The following MBD5 variants were observed in gnomAD, a reference collection of about 807,000 sequenced individuals.
MBD5 encodes methyl-CpG-binding domain protein 5.
Under a neutral mutation model 117.3 loss-of-function variants are expected in MBD5, and 13 were observed. The observed-to-expected ratio is 0.11, with a 90% CI of 0.07 to 0.18. The LOEUF (loss-of-function observed/expected upper bound fraction) is 0.18, where lower values mean the gene tolerates loss of function less well. Among genes scored for constraint, MBD5 ranks in the 10% least tolerant of loss-of-function variants. MBD5 has a pLI of 1.00. For synonymous variants in MBD5, 727 were observed against 766.4 expected, an observed-to-expected ratio of 0.95 and a Z score of 0.85; for missense variants, 1,879 against 2,093.8, an observed-to-expected ratio of 0.90 and a Z score of 2.00.
intron 1 of MBD5, chr2:148,056,047 C>G (rs1247082958): frequency 6.6e-6 from 1 of 152,098 alleles, no homozygotes; most frequent in African/African-American, 2.4e-5. Flanking sequence ...GAATACCTCT[C>G]CTTATATTTT....
chr2:148,415,506 G>A (rs553087870), intron 4 of MBD5, among the ~76,000 whole-genome samples: 4 of 152,226 alleles, frequency 2.6e-5, no homozygotes, highest in South Asian at 4.1e-4. Flanking sequence ...TTGAATGTTG[G>A]CCTCTCTAGC....
intron 1 of MBD5, among the ~76,000 whole-genome samples, chr2:148,056,347 C>T (rs1694863648): frequency 6.6e-6 from 1 of 151,896 alleles, no homozygotes. Context: ...TCTTCTTTTG[C>T]TTTTTGTGGG....
At chr2:148,249,176 A>G (rs1457328070) in intron 3 of MBD5, among the ~76,000 whole-genome samples, 1 of 152,200 alleles carries the variant, frequency 6.6e-6, no homozygotes, top group African/African-American at 2.4e-5. Flanking sequence ...AAGAATGAAA[A>G]GACAAGTTGC....
chr2:148,427,993 A>G (rs1705859689), intron 4 of MBD5, among the ~76,000 whole-genome samples: 1 of 152,170 alleles, frequency 6.6e-6, no homozygotes, highest in South Asian at 2.1e-4. Context: ...AGTGTTGGCC[A>G]AGGCAATTAG....
chr2:148,186,898 A>G (rs1009522362), intron 2 of MBD5, among the ~76,000 whole-genome samples: 3 of 152,382 alleles, frequency 2.0e-5, no homozygotes, highest in African/African-American at 7.2e-5. Flanking sequence ...GTACACATAT[A>G]CAAGGATATA....
intron 4 of MBD5, among the ~76,000 whole-genome samples, chr2:148,365,416 A>G (rs961342843): frequency 2.0e-5 from 3 of 152,176 alleles, no homozygotes; most frequent in Non-Finnish European, 4.4e-5. Flanking sequence ...CCCTAACATC[A>G]CAATTAAAAG....
intron 1 of MBD5, among the ~76,000 whole-genome samples, chr2:148,039,888 T>C (rs1233656597): frequency 5.3e-5 from 8 of 152,194 alleles, no homozygotes; most frequent in Admixed American, 5.2e-4. Flanking sequence ...AAAGTGACTT[T>C]GGGCACATAT....
intron 3 of MBD5, among the ~76,000 whole-genome samples, chr2:148,323,965 T>G (rs1454118264): frequency 5.3e-5 from 8 of 152,376 alleles, no homozygotes; most frequent in Middle Eastern, 3.4e-3. Flanking sequence ...TTAGGGTTTT[T>G]ATGGTTTTAG....
chr2:148,326,076 C>T (rs1702441161), intron 3 of MBD5, among the ~76,000 whole-genome samples: 1 of 152,074 alleles, frequency 6.6e-6, no homozygotes, highest in African/African-American at 2.4e-5. Context: ...TTTATTTCTG[C>T]CTTCATTTCG....
At chr2:148,080,067 G>A (rs1351541073) in intron 1 of MBD5, among the ~76,000 whole-genome samples, 3 of 152,034 alleles carry the variant, frequency 2.0e-5, no homozygotes, top group Non-Finnish European at 2.9e-5. Flanking sequence ...AAACAAAATC[G>A]AAACAAACAA....
At chr2:148,282,405 G>A (rs562120830) in intron 3 of MBD5, among the ~76,000 whole-genome samples, 20 of 152,124 alleles carry the variant, frequency 1.3e-4, no homozygotes, top group Admixed American at 7.9e-4. Flanking sequence ...AAATCCTGGC[G>A]TTGATATTTG....
chr2:148,216,963 G>GTTGCTT (rs1699571830), intron 2 of MBD5, among the ~76,000 whole-genome samples: 1 of 152,138 alleles, frequency 6.6e-6, no homozygotes, highest in Non-Finnish European at 1.5e-5. Flanking sequence ...TCTGACAAAA[G>GTTGCTT]TTGCTTTTTC....
intron 1 of MBD5, among the ~76,000 whole-genome samples, chr2:148,039,678 ATTC>A (rs150244749): frequency 0.33 from 49,522 of 151,786 alleles, 8,274 homozygotes; most frequent in East Asian, 0.51. Context: ...ACTACTGTGT[ATTC>A]TTTAATTTCA....
intron 4 of MBD5, among the ~76,000 whole-genome samples, chr2:148,343,597 C>T (rs1016588259): frequency 1.3e-5 from 2 of 151,982 alleles, no homozygotes; most frequent in African/African-American, 4.8e-5. Context: ...CTGTTCATGT[C>T]TTTTGCCCAA....
At chr2:148,456,943 C>CA (rs955388867) in intron 4 of MBD5, among the ~76,000 whole-genome samples, 1 of 151,672 alleles carries the variant, frequency 6.6e-6, no homozygotes, top group Non-Finnish European at 1.5e-5. Flanking sequence ...ATGAGAGATC[C>CA]AAAAAAAGGT....
intron 1 of MBD5, among the ~76,000 whole-genome samples, chr2:148,136,039 C>T (rs1472176394): frequency 1.3e-5 from 2 of 152,128 alleles, no homozygotes; most frequent in Non-Finnish European, 2.9e-5. Flanking sequence ...TGGCCTTGCA[C>T]ATGTTATAAA....
chr2:148,284,993 T>C (rs1399484111), intron 3 of MBD5, among the ~76,000 whole-genome samples: 1 of 152,226 alleles, frequency 6.6e-6, no homozygotes. Context: ...GTTTGCTGTC[T>C]GTTATTACAG....
intron 1 of MBD5, among the ~76,000 whole-genome samples, chr2:148,034,719 T>A (rs1362096105): frequency 1.3e-5 from 2 of 152,178 alleles, no homozygotes; most frequent in African/African-American, 4.8e-5. Flanking sequence ...ACGTGAAGAA[T>A]ACAAAAGTGA....
At chr2:148,044,672 TA>T (rs898511130) in intron 1 of MBD5, 1 of 152,162 alleles carries the variant, frequency 6.6e-6, no homozygotes, top group African/African-American at 2.4e-5. Flanking sequence ...ATTTGTATAA[TA>T]AAAGTGCCTG....
Sources: gnomAD v4.1 joint callset for allele counts (sites outside exome capture counted in the v4.1 genomes callset) on GRCh38, gnomAD v4.1.1 for gene constraint, MANE v1.5 for transcripts, NCBI Gene and HGNC (gene_info 2026-07-23, HGNC 2026-07-21) for gene names.